Variants in JMJD1C observed in about 807,000 individuals in gnomAD.
The protein encoded by JMJD1C is jumonji domain-containing protein 1C.
JMJD1C carries 31 observed loss-of-function variants against 245.3 expected under a neutral mutation model. The ratio of observed to expected loss-of-function variants is 0.13; its 90% CI spans 0.09 to 0.17. The LOEUF is 0.17. Among genes scored for constraint, JMJD1C ranks in the 10% least tolerant of loss-of-function variants. The pLI, the probability that JMJD1C is intolerant of heterozygous loss-of-function variation, is 1.00. For missense variants in JMJD1C, 2,691 were observed against 3,000.2 expected (o/e 0.90, Z 2.41); for synonymous variants, 1,057 against 1,017.4 (o/e 1.04, Z -0.74).
At chr10:63,507,644 C>CAGAAAAAAAA (rs1954760026) in intron 1 of JMJD1C, among the ~76,000 whole-genome samples, 1 of 58,754 alleles carries the variant, frequency 1.7e-5, no homozygotes, top group African/African-American at 9.7e-5. Flanking sequence ...GACTCTGTCT[C>CAGAAAAAAAA]AAAAAAAAAA....
chr10:63,319,217 A>G (rs546148516), intron 2 of JMJD1C, among the ~76,000 whole-genome samples: 56 of 144,428 alleles, frequency 3.9e-4, no homozygotes, highest in Non-Finnish European at 7.2e-4. Flanking sequence ...AGACTGCGCC[A>G]CTGCACTCCA....
chr10:63,321,137 T>G (rs983884601), intron 2 of JMJD1C, among the ~76,000 whole-genome samples: 1 of 152,250 alleles, frequency 6.6e-6, no homozygotes. Flanking sequence ...AAAGTTCCTG[T>G]TCTCTGGACC....
intron 2 of JMJD1C, among the ~76,000 whole-genome samples, chr10:63,343,515 A>C (rs1479658614): frequency 6.6e-6 from 1 of 152,180 alleles, no homozygotes; most frequent in Admixed American, 6.5e-5. Context: ...TATACATAAA[A>C]AGATTTTGTT....
At chr10:63,249,859 TAA>T (rs112361874) in intron 3 of JMJD1C, among the ~76,000 whole-genome samples, 5 of 140,208 alleles carry the variant, frequency 3.6e-5, no homozygotes, top group Admixed American at 1.4e-4. Context: ...GACTCCATCT[TAA>T]AAAAAAAAAA....
chr10:63,277,731 C>CTTTTTTTTTTTTTTTTTTTTTT lies in JMJD1C; in HGVS notation c.334-12989_334-12968dup, dbSNP rs35442695. The stretch of plus-strand genomic sequence containing the variant: ...TATTCATTGAGAGTAATTTGCATTT[C>CTTTTTTTTTTTTTTTTTTTTTT]TTTTTTTTTTTTTTTTTTTTTTTTG... On this transcript the variant is annotated intron_variant, in intron 2 of 25. Transcript: ENST00000399262. 6.1e-4 allele frequency among the ~76,000 whole-genome samples: 39 copies of CTTTTTTTTTTTTTTTTTTTTTT among 64,272 alleles called. 5 individuals are homozygous for CTTTTTTTTTTTTTTTTTTTTTT. The highest frequency in any genetic ancestry group is 2.0e-3 in the African/African-American group (28 of 14,166). The allele number at this position is 64,272 out of a possible 152,430, so 42.2% of individuals were successfully genotyped here.
chr10:63,204,743 C>G (rs1321017665), intron 10 of JMJD1C: 5 of 985,318 alleles, frequency 5.1e-6, no homozygotes, highest in Non-Finnish European at 6.0e-6. Flanking sequence ...GCATTTCAGT[C>G]TGTCAGTCTC....
chr10:63,390,144 T>C (rs1487125089), intron 1 of JMJD1C, among the ~76,000 whole-genome samples: 6 of 151,572 alleles, frequency 4.0e-5, no homozygotes. Context: ...TTGTTGAGAA[T>C]AAACAACAAA....
chr10:63,292,801 T>C (rs1432967719), intron 2 of JMJD1C, among the ~76,000 whole-genome samples: 1 of 152,192 alleles, frequency 6.6e-6, no homozygotes, highest in East Asian at 1.9e-4. Context: ...TCCCAGCACT[T>C]TGGGAGGCTG....
chr10:63,496,436 C>G (rs1310102372), intron 1 of JMJD1C, among the ~76,000 whole-genome samples: 1 of 152,148 alleles, frequency 6.6e-6, no homozygotes, highest in African/African-American at 2.4e-5. Flanking sequence ...AGTCATCCCC[C>G]ACAATAACAC....
intron 1 of JMJD1C, among the ~76,000 whole-genome samples, chr10:63,385,294 T>A (rs1030480496): frequency 1.3e-5 from 2 of 151,872 alleles, no homozygotes; most frequent in African/African-American, 4.8e-5. Context: ...GTTTGAAATA[T>A]CGTGATAATT....
chr10:63,228,863 T>C (rs35885463), intron 3 of JMJD1C, among the ~76,000 whole-genome samples: 30,633 of 152,138 alleles, frequency 0.2, 4,030 homozygotes, highest in Non-Finnish European at 0.29. Flanking sequence ...TGATTTATTC[T>C]GGACAATGCT....
chr10:63,415,605 G>A (rs1407270351), intron 1 of JMJD1C, among the ~76,000 whole-genome samples: 1 of 152,062 alleles, frequency 6.6e-6, no homozygotes, highest in African/African-American at 2.4e-5. Context: ...AAGGTGATAG[G>A]TACACACAGC....
intron 2 of JMJD1C, among the ~76,000 whole-genome samples, chr10:63,357,183 G>T (rs1163392588): frequency 2.0e-5 from 3 of 152,004 alleles, no homozygotes; most frequent in Admixed American, 1.3e-4. Context: ...ATAGATGCGT[G>T]CCACCACGCC....
chr10:63,194,773 T>A (rs1209862858), intron 13 of JMJD1C: 1 of 168,034 alleles, frequency 6.0e-6, no homozygotes, highest in Non-Finnish European at 1.3e-5. Context: ...GAGATGACTG[T>A]TAATTCATTT....
At chr10:63,488,053 G>C (rs1318381960) in intron 1 of JMJD1C, among the ~76,000 whole-genome samples, 1 of 152,082 alleles carries the variant, frequency 6.6e-6, no homozygotes, top group East Asian at 1.9e-4. Flanking sequence ...CAGAATGAGT[G>C]AATCTCCAAA....
At chr10:63,459,812 A>G (rs1044243206) in intron 1 of JMJD1C, among the ~76,000 whole-genome samples, 3 of 152,220 alleles carry the variant, frequency 2.0e-5, no homozygotes, top group Admixed American at 1.3e-4. Context: ...ACCAAAACAG[A>G]CTTAAACCTT....
chr10:63,438,671 C>A (rs935959089), intron 1 of JMJD1C, among the ~76,000 whole-genome samples: 9 of 152,156 alleles, frequency 5.9e-5, no homozygotes, highest in African/African-American at 2.2e-4. Context: ...ATACCACATT[C>A]ACTGCTCCTC....
chr10:63,319,382 T>G (rs564824807), intron 2 of JMJD1C, among the ~76,000 whole-genome samples: 45 of 151,898 alleles, frequency 3.0e-4, no homozygotes, highest in Middle Eastern at 3.4e-3. Flanking sequence ...CCCTCATCTC[T>G]GCAAGTCTTT....
In JMJD1C at chr10:63,207,723, C is replaced by T; in HGVS notation, c.3946G>A (p.Asp1316Asn). Residue 1316 changes from aspartate (D) to asparagine (N), a missense_variant, in exon 10 of 26, where the codon GAT becomes AAT. Around this residue, in one of 9 missense-constraint regions of JMJD1C, gnomAD observed 1,562 missense variants for 1,490.7 expected, o/e 1.05. Coordinates refer to ENST00000399262, the MANE Select transcript of JMJD1C (RefSeq NM_032776.3). ...IVRPSSSTKT[D>N]SMPAMQLASK... ...GCTAACTGCATTGCTGGCATACTAT[C>T]AGTTTTTGTACTAGAAGATGGACGC... 1 of 1,614,156 alleles carries T rather than the reference C, an allele frequency of 6.2e-7. No individual in the cohort carries two copies. The highest frequency in any genetic ancestry group is 8.5e-7 in the Non-Finnish European group (1 of 1,180,016).
Sources: allele counts gnomAD v4.1 joint callset (sites outside exome capture counted in the v4.1 genomes callset), GRCh38; gene constraint gnomAD v4.1.1; regional missense constraint gnomAD v4.1.1; transcripts MANE v1.5; gene names NCBI Gene and HGNC (gene_info 2026-07-23, HGNC 2026-07-21).